Variants in COX15 observed in about 807,000 individuals in gnomAD.
The protein encoded by COX15 is heme A synthase COX15.
In COX15, 51 loss-of-function variants were observed where a neutral mutation model predicts 51.9. That is an observed-to-expected ratio of 0.98 (90% confidence interval 0.78 to 1.24). The LOEUF is 1.24. COX15 is among the 50% of genes most tolerant of loss of function. The probability of loss-of-function intolerance (pLI) is 0.00; values close to 1 mark genes in which losing one functional copy is unlikely to be tolerated. For missense variants in COX15, 420 were observed against 501.1 expected (o/e 0.84, Z 1.55); for synonymous variants, 188 against 190.5 (o/e 0.99, Z 0.11).
At chr10:99,706,404 T>C (rs1341655901), downstream of COX15, among the ~76,000 whole-genome samples, 1 of 151,906 alleles carries the variant, frequency 6.6e-6, no homozygotes, top group Non-Finnish European at 1.5e-5. Flanking sequence ...TGCAACATCA[T>C]GGCTCACCGC....
downstream of COX15, chr10:99,708,770 C>G: frequency 1.1e-6 from 1 of 948,702 alleles, no homozygotes. Context: ...GGTGATAAAA[C>G]TGAGGCCTAG....
Position 99,724,094 on chromosome 10 carries a change from A to G in COX15, c.612T>C (p.Ser204=), listed in dbSNP as rs770279579. The G allele has an allele frequency of 2.5e-6, 4 of 1,614,028 alleles. No homozygotes were observed. The Admixed American group carries it at 5.0e-5, about 20-fold the overall frequency. The change falls in exon 5 of 9, where the codon AGT becomes AGC. Residue 204 remains serine (S), a synonymous_variant. Transcript: ENST00000016171. ...GGGAGTCTGATTTTTCTTCTAGTCC[A>G]CTTTTCACCATATACCATCCCAACA... is the stretch of plus-strand genomic sequence containing the variant. The part of the protein sequence containing the change: ...QGLLGWYMVK[S]GLEEKSDSHD...
chr10:99,698,462 T>A, the COX15 span: 1 of 1,425,254 alleles, frequency 7.0e-7, no homozygotes. Flanking sequence ...TGATGCACAT[T>A]GTGTTTCTTA....
chr10:99,715,549 A>G (rs1291260982), intron 8 of COX15, among the ~76,000 whole-genome samples: 1 of 152,004 alleles, frequency 6.6e-6, no homozygotes, highest in Non-Finnish European at 1.5e-5. Context: ...TAGGACTGAC[A>G]CTAATAAGTT....
At chr10:99,725,766 G>T (rs1427961924) in intron 4 of COX15, among the ~76,000 whole-genome samples, 1 of 152,164 alleles carries the variant, frequency 6.6e-6, no homozygotes, top group African/African-American at 2.4e-5. Flanking sequence ...TACCATGTTG[G>T]CCAGGCTGGT....
At chr10:99,723,827 A>T in intron 5 of COX15, 129 bp downstream of exon 5, 1 of 1,000,894 alleles carries the variant, frequency 1.0e-6, no homozygotes. Context: ...AATTTGTTTC[A>T]CCTTTGCCAA....
the COX15 span, among the ~76,000 whole-genome samples, chr10:99,700,393 C>T: frequency 1.9e-5 from 2 of 103,650 alleles, no homozygotes; most frequent in East Asian, 5.9e-4. Flanking sequence ...TCCAACGTAC[C>T]GTGTGTGTGT....
intron 1 of COX15, among the ~76,000 whole-genome samples, chr10:99,731,660 T>G (rs764119565): frequency 6.6e-6 from 1 of 152,244 alleles, no homozygotes; most frequent in Non-Finnish European, 1.5e-5. Context: ...TTTTACCATG[T>G]GCTAAAGGCC....
chr10:99,720,598 A>G (rs191343800), intron 6 of COX15, among the ~76,000 whole-genome samples: 1 of 152,348 alleles, frequency 6.6e-6, no homozygotes, highest in Admixed American at 6.5e-5. Flanking sequence ...ACACTTATGT[A>G]GCCTTTGCTA....
rs1293720240 is a variant in COX15 at position 99,723,983 on chromosome 10, T to C, written c.723A>G (p.Ser241=). 1 of 1,613,904 alleles carries C rather than the reference T, an allele frequency of 6.2e-7. No homozygotes were observed. The highest frequency in any genetic ancestry group is 1.1e-5 in the South Asian group (1 of 91,056). ...TGTGCGGAGGGAGTAGCAGTGACAG[T>C]GAGGTCCACAAGCTGGCACAATAAA... ...LVLYCASLWT[S]LSLLLPPHKL... Residue 241 remains serine, a synonymous_variant, in exon 5 of 9, where the codon TCA becomes TCG. Coordinates refer to ENST00000016171, the MANE Select transcript of COX15 (RefSeq NM_078470.6).
rs1271251892 is a variant in COX15 at position 99,730,131 on chromosome 10, G to A, written c.91-397C>T. On this transcript the variant is annotated intron_variant, in intron 1 of 8. Transcript: ENST00000016171. ...CACCTCCTCTGGGATGTATTCCCAG[G>A]CTCTTCAAGGTCTGCAATAGGTCAC... 5.3e-5 allele frequency among the ~76,000 whole-genome samples: 8 copies of A among 152,096 alleles called. No homozygotes were observed. In the South Asian group the frequency reaches 1.7e-3, roughly 32 times the overall value.
chr10:99,702,658 G>A, the COX15 span: 440 of 1,611,004 alleles, frequency 2.7e-4, no homozygotes, highest in Non-Finnish European at 3.6e-4. Context: ...TATAAAACAC[G>A]ATTCTTACCA....
the COX15 span, among the ~76,000 whole-genome samples, chr10:99,701,594 G>A: frequency 2.6e-5 from 4 of 151,728 alleles, no homozygotes; most frequent in East Asian, 7.8e-4. Flanking sequence ...GGCCAAAAGT[G>A]ATTTTTTTTT....
In COX15 at chr10:99,718,518, T is replaced by C. The variant is rs1297244704; in HGVS notation, c.833-18A>G. 1.2e-6 allele frequency: 2 copies of C among 1,613,742 alleles called. No homozygotes were observed. Among genetic ancestry groups the C allele is most frequent in the East Asian group, 2.2e-5 (1 of 44,888 alleles). On this transcript the variant is annotated intron_variant, in intron 6 of 8. Transcript: ENST00000016171. ...AAAAGCCCCTGTATTCCAAGGTAAA[T>C]GGTATTTATTAAAATGAGAGGAAGA... is the stretch of plus-strand genomic sequence containing the variant.
chr10:99,695,885 T>C, the COX15 span: 2 of 1,436,872 alleles, frequency 1.4e-6, no homozygotes, highest in African/African-American at 2.9e-5. Context: ...CCTCGTGTAT[T>C]AGCAATGTCA....
chr10:99,727,702 C>T (rs970969233), intron 2 of COX15, 139 bp from the exon 3 acceptor site: 24 of 1,076,864 alleles, frequency 2.2e-5, no homozygotes, highest in African/African-American at 3.1e-5. Context: ...TGAGACATTT[C>T]TCTGTTACTG....
Position 99,711,552 on chromosome 10 carries a change from G to C in COX15, c.*3035C>G, listed in dbSNP as rs535470105. 3.3e-5 allele frequency: 33 copies of C among 985,434 alleles called. No homozygotes were observed. The highest frequency in any genetic ancestry group is 5.2e-4 in the Middle Eastern group (1 of 1,914). 61.0% of individuals were successfully genotyped at this position (985,434 alleles called of 1,614,324 possible). A position where few individuals can be genotyped will look rare whatever the true frequency, so the allele number is the denominator to read the frequency against. On this transcript the variant is annotated 3_prime_UTR_variant, in exon 9 of 9. Transcript: ENST00000016171. ...TAGTCAGAACTTTCTAAGGTAACTAGGCTATTAGGACCTAAGCCAGTGGTC... is the reference window on the plus strand; with the variant it reads ...TAGTCAGAACTTTCTAAGGTAACTACGCTATTAGGACCTAAGCCAGTGGTC...
the COX15 span, chr10:99,704,895 G>A: frequency 1.7e-6 from 1 of 587,880 alleles, no homozygotes. Context: ...CTAAATGACA[G>A]GAGATTGGTG....
intron 5 of COX15, chr10:99,722,846 A>G (rs180800341): frequency 1.3e-5 from 2 of 152,244 alleles, no homozygotes; most frequent in East Asian, 1.9e-4. Context: ...ATAAATAAAT[A>G]AATACATAAG....
Sources: gnomAD v4.1 joint callset for allele counts (sites outside exome capture counted in the v4.1 genomes callset) on GRCh38, gnomAD v4.1.1 for gene constraint, MANE v1.5 for transcripts, NCBI Gene and HGNC (gene_info 2026-07-23, HGNC 2026-07-21) for gene names.